Variants in DOK3 observed in about 807,000 individuals in gnomAD.
DOK3 encodes the protein docking protein 3.
DOK3 carries 23 observed loss-of-function variants against 26.2 expected under a neutral mutation model. That is an observed-to-expected ratio of 0.88 (90% CI 0.63 to 1.24). The LOEUF is 1.24. DOK3 is among the 50% of genes most tolerant of loss of function. The pLI, the probability that DOK3 is intolerant of heterozygous loss-of-function variation, is 0.00. For missense variants in DOK3, 619 were observed against 610.6 expected, an observed-to-expected ratio of 1.01 and a Z score of -0.15; for synonymous variants, 268 against 268.2, an observed-to-expected ratio of 1.00 and a Z score of 0.01.
Position 177,503,342 on chromosome 5 carries a change from T to C in DOK3, c.*641A>G. ...GGATTATGCCTGATACGTCATCGGT[T>C]CTCTCTCCTTTACAGATGAGGAGAC... is the stretch of plus-strand genomic sequence containing the variant. On this transcript the variant is annotated 3_prime_UTR_variant, in exon 6 of 6. Coordinates refer to ENST00000510898, the MANE Select transcript of DOK3 (RefSeq NM_001308236.3). The C allele has an allele frequency of 6.4e-7, 1 of 1,551,276 alleles. No individual in the cohort carries two copies. Among genetic ancestry groups the C allele is most frequent in the Non-Finnish European group, 8.7e-7 (1 of 1,146,610 alleles).
Position 177,508,344 on chromosome 5 carries a change from G to C in DOK3, c.265C>G (p.Pro89Ala), listed in dbSNP as rs1187513622. The change falls in exon 3 of 6, where the codon CCC becomes GCC. Residue 89 changes from proline to alanine, a missense_variant. Pro to Ala is a conservative substitution (Grantham distance 27, BLOSUM62 -1). Coordinates refer to ENST00000510898, the MANE Select transcript of DOK3 (RefSeq NM_001308236.3). The part of the protein sequence containing the change: ...SVLPADGESC[P>A]RDTGAFLLTT... ...AGCAGGAAGGCACCGGTGTCCCGGG[G>C]GCAGCTCTCGCCGTCAGCCGGCAGC... 1.3e-6 allele frequency: 2 copies of C among 1,598,982 alleles called. No individual in the cohort carries two copies. The highest frequency in any genetic ancestry group is 1.7e-6 in the Non-Finnish European group (2 of 1,178,134).
chr5:177,505,049 G>T lies in DOK3; in HGVS notation c.434C>A (p.Pro145His). Residue 145 changes from proline to histidine, a missense_variant, in exon 4 of 6, where the codon CCC becomes CAC. Coordinates refer to ENST00000510898, the MANE Select transcript of DOK3 (RefSeq NM_001308236.3). The part of the protein sequence containing the change: ...DAQSPKRGLV[P>H]MEENSIYSSW... ...GGAGTAGATGGAGTTTTCCTCCATGGGGACCAGGCCCCTCTTGGGAGACTG... is the reference window on the plus strand; with the variant it reads ...GGAGTAGATGGAGTTTTCCTCCATGTGGACCAGGCCCCTCTTGGGAGACTG... 6.2e-7 allele frequency: 1 copy of T among 1,612,298 alleles called. No individual in the cohort carries two copies. Among genetic ancestry groups the T allele is most frequent in the Non-Finnish European group, 8.5e-7 (1 of 1,179,304 alleles).
chr5:177,506,332 CT>C (rs56332126), intron 3 of DOK3, among the ~76,000 whole-genome samples: 51 of 140,944 alleles, frequency 3.6e-4, no homozygotes, highest in African/African-American at 5.0e-4. Flanking sequence ...AACCATCTTA[CT>C]TTTTTTTTTT....
chr5:177,502,585 CTGTT>C lies in DOK3; in HGVS notation c.*1394_*1397del, dbSNP rs1759460400. On this transcript the variant is annotated 3_prime_UTR_variant, in exon 6 of 6. Transcript: ENST00000510898. ...TGCAGATACGGTGGGAGAGCCCGAC[CTGTT>C]TCCCCAATATGCCTGTGAGGAGACA... 1.2e-5 allele frequency: 2 copies of C among 161,126 alleles called. No individual in the cohort carries two copies. The highest frequency in any genetic ancestry group is 3.6e-4 in the South Asian group (2 of 5,548). 10.0% of individuals were successfully genotyped at this position (161,126 alleles called of 1,614,324 possible).
chr5:177,503,677 C>T lies in DOK3; in HGVS notation c.*306G>A. The T allele has an allele frequency of 7.2e-7, 1 of 1,391,290 alleles. No individual in the cohort carries two copies. The highest frequency in any genetic ancestry group is 1.6e-5 in the South Asian group (1 of 61,500). 86.2% of individuals were successfully genotyped at this position (1,391,290 alleles called of 1,614,324 possible). A position where few individuals can be genotyped will look rare whatever the true frequency, so the allele number is the denominator to read the frequency against. ...TTGAGCCCACGGGTGGCAGGTAAGG[C>T]CCAGGTCACCTGTGCCCCTGGAACC... On this transcript the variant is annotated 3_prime_UTR_variant, in exon 6 of 6. Transcript: ENST00000510898.
At position 177,502,904 on chromosome 5, in the gene DOK3, A is replaced by G; in HGVS notation, c.*1079T>C. 1 of 696,914 alleles carries G rather than the reference A, an allele frequency of 1.4e-6. No homozygotes were observed. The highest frequency in any genetic ancestry group is 2.4e-6 in the Non-Finnish European group (1 of 423,686). The allele number at this position is 696,914 out of a possible 1,614,324, so 43.2% of individuals were successfully genotyped here. On this transcript the variant is annotated 3_prime_UTR_variant, in exon 6 of 6. Coordinates refer to ENST00000510898, the MANE Select transcript of DOK3 (RefSeq NM_001308236.3). ...GGGCAGAGGCCTCGAAGAGCCAGAA[A>G]AGGGTCCCTGCAGGTCGACATGCCT...
chr5:177,509,649 T>TCC lies in DOK3; in HGVS notation c.-110_-109insGG, dbSNP rs1561725589. On this transcript the variant is annotated 5_prime_UTR_variant, in exon 2 of 6. Transcript: ENST00000510898. ...TCTGGCCACTTCCCGTCCCTCCGTC[T>TCC]AGAGACAGCTGCAGGCCGGGGGGAG... The TCC allele has an allele frequency of 6.3e-7, 1 of 1,587,352 alleles. No individual in the cohort carries two copies. Among genetic ancestry groups the TCC allele is most frequent in the African/African-American group, 1.3e-5 (1 of 74,498 alleles).
chr5:177,504,194 G>A lies in DOK3; in HGVS notation c.1112C>T (p.Thr371Ile). The change falls in exon 6 of 6, where the codon ACA becomes ATA. Residue 371 changes from threonine to isoleucine, a missense_variant. By Grantham distance (89) the Thr-to-Ile change is moderately conservative (BLOSUM62 -1). Transcript: ENST00000510898. ...PHEGPGSRSP[T>I]TSPIYHNGQD... ...GCCGTTGTGGTAGATGGGACTGGTTGTGGGGCTGCGGCTGCCGGGGCCCTC... is the reference window on the plus strand; with the variant it reads ...GCCGTTGTGGTAGATGGGACTGGTTATGGGGCTGCGGCTGCCGGGGCCCTC... 1 of 1,613,564 alleles carries A rather than the reference G, an allele frequency of 6.2e-7. No homozygotes were observed. The highest frequency in any genetic ancestry group is 8.5e-7 in the Non-Finnish European group (1 of 1,179,820).
Position 177,509,822 on chromosome 5 carries a change from C to A in DOK3, c.-182G>T. The A allele has an allele frequency of 1.9e-6, 3 of 1,610,134 alleles. No individual in the cohort carries two copies. On this transcript the variant is annotated 5_prime_UTR_variant, in exon 1 of 6. Coordinates refer to ENST00000510898, the MANE Select transcript of DOK3 (RefSeq NM_001308236.3). ...CGCACCTGGTTCAGCTGGGCACGCG[C>A]GTCTGATCGCAGTCTGGCTCCCCGA...
Position 177,504,647 on chromosome 5 carries a change from AAGG to A in DOK3, c.656_658del (p.Ser219del). ...CGAGTGGCAGCGACGGCCGGCCTCA[AAGG>A]AGAACACGCCCTGGGCACAGGGCAC... is the stretch of plus-strand genomic sequence containing the variant. On this transcript the variant is annotated inframe_deletion, in exon 6 of 6. Transcript: ENST00000510898. The A allele has an allele frequency of 6.2e-7, 1 of 1,613,034 alleles. No individual in the cohort carries two copies. Among genetic ancestry groups the A allele is most frequent in the Non-Finnish European group, 8.5e-7 (1 of 1,179,818 alleles).
At chr5:177,504,952 A>G (rs761861084) in intron 4 of DOK3, 37 bp from the exon 5 acceptor site, 8 of 1,578,564 alleles carry the variant, frequency 5.1e-6, no homozygotes, top group African/African-American at 1.4e-5. Flanking sequence ...GTCAGTCCCA[A>G]AAAGACCCAG....
chr5:177,507,315 C>T (rs1306957253), intron 3 of DOK3, among the ~76,000 whole-genome samples: 1 of 152,102 alleles, frequency 6.6e-6, no homozygotes, highest in Non-Finnish European at 1.5e-5. Context: ...CTGTGCCAGG[C>T]GTTTGTTTGT....
At chr5:177,507,702 T>A (rs1197896499) in intron 3 of DOK3, among the ~76,000 whole-genome samples, 1 of 152,218 alleles carries the variant, frequency 6.6e-6, no homozygotes, top group East Asian at 1.9e-4. Flanking sequence ...TTTTGACCCA[T>A]CACAGACCTT....
upstream of DOK3, chr5:177,509,934 ACC>A: frequency 6.4e-7 from 1 of 1,557,974 alleles, no homozygotes. Flanking sequence ...TCCACCCAGG[ACC>A]CTTCTCTAGC....
At chr5:177,509,448 A>G in intron 2 of DOK3, 27 bp downstream of exon 2, 1 of 1,591,998 alleles carries the variant, frequency 6.3e-7, no homozygotes, top group South Asian at 1.1e-5. Flanking sequence ...GGTCCTTGGC[A>G]GCTGCCTGGC....
rs751252625 is a variant in DOK3 at position 177,509,777 on chromosome 5, A to T, written c.-137T>A. Reference sequence around the variant, plus strand: ...ACCTACCTGGAGGGAGCCCCCGGCCACCTGAAGGCAGCCTTCTCACGCACC... The same window carrying T: ...ACCTACCTGGAGGGAGCCCCCGGCCTCCTGAAGGCAGCCTTCTCACGCACC... On this transcript the variant is annotated 5_prime_UTR_variant, in exon 1 of 6. Coordinates refer to ENST00000510898, the MANE Select transcript of DOK3 (RefSeq NM_001308236.3). 4.3e-6 allele frequency: 7 copies of T among 1,612,044 alleles called. No individual in the cohort carries two copies. The South Asian group carries it at 7.7e-5, about 18-fold the overall frequency.
chr5:177,509,758 C>G lies in DOK3; in HGVS notation c.-118G>C. 6.2e-7 allele frequency: 1 copy of G among 1,612,560 alleles called. No individual in the cohort carries two copies. Among genetic ancestry groups the G allele is most frequent in the Middle Eastern group, 1.8e-4 (1 of 5,526 alleles). ...GGCTGCCCAAGGTGCCCACACCTACCTGGAGGGAGCCCCCGGCCACCTGAA... is the reference window on the plus strand; with the variant it reads ...GGCTGCCCAAGGTGCCCACACCTACGTGGAGGGAGCCCCCGGCCACCTGAA... On this transcript the variant is annotated splice_region_variant and 5_prime_UTR_variant, in exon 1 of 6. Transcript: ENST00000510898.
intron 3 of DOK3, among the ~76,000 whole-genome samples, chr5:177,507,978 T>G (rs962933191): frequency 1.2e-4 from 19 of 152,234 alleles, no homozygotes; most frequent in Non-Finnish European, 2.5e-4. Context: ...CTTTGCCCAG[T>G]GGGTTCCTGT....
rs138777903 is a variant in DOK3, at chr5:177,504,353, T to C, written c.953A>G (p.Asn318Ser). Residue 318 changes from asparagine (N) to serine (S), a missense_variant, in exon 6 of 6, where the codon AAC (asparagine) becomes AGC (serine). Asn to Ser is a conservative substitution (Grantham distance 46). Coordinates refer to ENST00000510898, the MANE Select transcript of DOK3 (RefSeq NM_001308236.3). ...SLPLLLGPEP[N>S]DLASGLYASV... Reference sequence around the variant, plus strand: ...AGCGTAGAGCCCGGACGCCAGATCGTTGGGCTCCGGGCCTAGCAGTAGCGG... The same window carrying C: ...AGCGTAGAGCCCGGACGCCAGATCGCTGGGCTCCGGGCCTAGCAGTAGCGG... 138 of 1,579,150 alleles carry C rather than the reference T, an allele frequency of 8.7e-5. No homozygotes were observed. The highest frequency in any genetic ancestry group is 3.4e-4 in the African/African-American group (25 of 74,200).
Sources: gnomAD v4.1 joint callset for allele counts (sites outside exome capture counted in the v4.1 genomes callset) on GRCh38, gnomAD v4.1.1 for gene constraint, MANE v1.5 for transcripts, NCBI Gene and HGNC (gene_info 2026-07-23, HGNC 2026-07-21) for gene names.